Variants in SPECC1L observed in about 807,000 individuals in gnomAD.
SPECC1L encodes the protein cytospin-A.
SPECC1L carries 40 observed loss-of-function variants against 116.8 expected under a neutral mutation model. That is an observed-to-expected ratio of 0.34 (90% CI 0.27 to 0.45). The LOEUF (loss-of-function observed/expected upper bound fraction) is 0.45. Among genes scored for constraint, SPECC1L ranks in the 20% least tolerant of loss-of-function variants. SPECC1L has a pLI of 1.00. For missense variants in SPECC1L, 1,110 were observed against 1,373.6 expected (o/e 0.81, Z 3.03); for synonymous variants, 504 against 500.6 (o/e 1.01, Z -0.09).
chr22:24,282,100 C>T (rs1160950949), intron 2 of SPECC1L, among the ~76,000 whole-genome samples: 4 of 152,108 alleles, frequency 2.6e-5, no homozygotes, highest in East Asian at 1.9e-4. Flanking sequence ...GAGCTGAGTC[C>T]GTTCCTGGGT....
intron 2 of SPECC1L, among the ~76,000 whole-genome samples, chr22:24,290,096 T>C (rs2049129309): frequency 6.6e-6 from 1 of 152,160 alleles, no homozygotes; most frequent in African/African-American, 2.4e-5. Context: ...ATCACCTCCT[T>C]ATCTTGATTA....
At chr22:24,316,854 G>C (rs1407270767) in intron 4 of SPECC1L, among the ~76,000 whole-genome samples, 6 of 136,180 alleles carry the variant, frequency 4.4e-5, no homozygotes, top group Admixed American at 2.3e-4. Context: ...AGTAGGGGCG[G>C]CCGGGCAGAG....
intron 16 of SPECC1L, among the ~76,000 whole-genome samples, chr22:24,413,130 G>A (rs950918114): frequency 6.6e-6 from 1 of 152,226 alleles, no homozygotes; most frequent in African/African-American, 2.4e-5. Flanking sequence ...AGAGGGCAAG[G>A]CAGCTCTCAG....
At chr22:24,306,040 G>A (rs912875270) in intron 3 of SPECC1L, among the ~76,000 whole-genome samples, 1 of 152,014 alleles carries the variant, frequency 6.6e-6, no homozygotes, top group African/African-American at 2.4e-5. Context: ...CGAGTAGCTG[G>A]GATTACAGGC....
At chr22:24,291,384 C>T (rs1048490233) in intron 2 of SPECC1L, among the ~76,000 whole-genome samples, 3 of 152,096 alleles carry the variant, frequency 2.0e-5, no homozygotes, top group African/African-American at 7.2e-5. Context: ...CAATCCAGGT[C>T]TCTTGATTTT....
At chr22:24,286,106 TTGG>T in intron 2 of SPECC1L, among the ~76,000 whole-genome samples, 1 of 152,326 alleles carries the variant, frequency 6.6e-6, no homozygotes, top group South Asian at 2.1e-4. Context: ...TGGTGATTTT[TTGG>T]TGATGTTTGT....
intron 14 of SPECC1L, 60 bp from the exon 15 acceptor site, chr22:24,411,528 G>T: frequency 6.8e-7 from 1 of 1,478,128 alleles, no homozygotes. Context: ...CGTCCTCCTT[G>T]GCATCTCCTA....
At chr22:24,363,022 C>T (rs915330339) in intron 11 of SPECC1L, among the ~76,000 whole-genome samples, 2 of 152,108 alleles carry the variant, frequency 1.3e-5, no homozygotes, top group African/African-American at 4.8e-5. Flanking sequence ...CAGAAGTATT[C>T]GTCTGTGTGG....
intron 12 of SPECC1L, among the ~76,000 whole-genome samples, chr22:24,364,825 GATT>G (rs2041720439): frequency 6.6e-6 from 1 of 152,202 alleles, no homozygotes; most frequent in Admixed American, 6.5e-5. Context: ...TTACAAGTCT[GATT>G]ATAATTAGCC....
chr22:24,336,093 C>A (rs1209514982), intron 9 of SPECC1L, among the ~76,000 whole-genome samples: 1 of 151,762 alleles, frequency 6.6e-6, no homozygotes, highest in African/African-American at 2.4e-5. Flanking sequence ...ACAGTTATGA[C>A]CAATTAATAC....
intron 1 of SPECC1L, among the ~76,000 whole-genome samples, chr22:24,276,302 C>T (rs1484163658): frequency 3.9e-5 from 6 of 152,084 alleles, no homozygotes; most frequent in Non-Finnish European, 8.8e-5. Context: ...TGTGGTGGTG[C>T]GCACCTGTGG....
At chr22:24,384,256 C>A (rs559225951) in intron 14 of SPECC1L, among the ~76,000 whole-genome samples, 1 of 151,970 alleles carries the variant, frequency 6.6e-6, no homozygotes, top group Non-Finnish European at 1.5e-5. Context: ...AAAAAAGATA[C>A]TAGGTTAAGA....
intron 3 of SPECC1L, among the ~76,000 whole-genome samples, chr22:24,310,898 T>G: frequency 6.6e-6 from 1 of 152,228 alleles, no homozygotes; most frequent in Non-Finnish European, 1.5e-5. Context: ...TTTATAATTT[T>G]AGATTTAAAA....
intron 11 of SPECC1L, among the ~76,000 whole-genome samples, chr22:24,355,281 CAAAAAAAAAA>C (rs751981921): frequency 1.6e-4 from 9 of 56,026 alleles, no homozygotes; most frequent in African/African-American, 2.8e-4. Context: ...GACTCCATCT[CAAAAAAAAAA>C]AAAAAAAAAA....
intron 2 of SPECC1L, among the ~76,000 whole-genome samples, chr22:24,284,479 G>A (rs926096053): frequency 2.2e-4 from 33 of 152,030 alleles, no homozygotes; most frequent in Non-Finnish European, 1.2e-4. Context: ...CTGTCGCCCA[G>A]GCTGGAGTGC....
chr22:24,294,991 G>A (rs905961997), intron 2 of SPECC1L, among the ~76,000 whole-genome samples: 9 of 152,108 alleles, frequency 5.9e-5, no homozygotes, highest in Admixed American at 2.0e-4. Flanking sequence ...TTATATGGTA[G>A]GTAAGAGATA....
intron 14 of SPECC1L, among the ~76,000 whole-genome samples, chr22:24,401,419 C>T (rs946905721): frequency 6.6e-6 from 1 of 152,200 alleles, no homozygotes; most frequent in Non-Finnish European, 1.5e-5. Context: ...TCTGTCCATT[C>T]GCAGCAGGAC....
chr22:24,325,314 C>G (rs1368092997), intron 6 of SPECC1L, among the ~76,000 whole-genome samples: 1 of 152,100 alleles, frequency 6.6e-6, no homozygotes, highest in African/African-American at 2.4e-5. Context: ...TGTGTGACCA[C>G]AAATCGTGCT....
intron 3 of SPECC1L, among the ~76,000 whole-genome samples, chr22:24,303,984 A>G (rs917468464): frequency 6.6e-6 from 1 of 152,114 alleles, no homozygotes; most frequent in Admixed American, 6.6e-5. Flanking sequence ...AAAAGTCATT[A>G]AATGGAGATT....
Sources: allele counts gnomAD v4.1 joint callset (sites outside exome capture counted in the v4.1 genomes callset), GRCh38; gene constraint gnomAD v4.1.1; transcripts MANE v1.5; gene names NCBI Gene and HGNC (gene_info 2026-07-23, HGNC 2026-07-21).